Variants in RHBDL3 observed in about 807,000 individuals in gnomAD.
RHBDL3 encodes the protein rhomboid like 3, also known as rhomboid-related protein 3.
A neutral mutation model predicts 48.2 loss-of-function variants in RHBDL3; 28 were observed. The ratio of observed to expected loss-of-function variants is 0.58; its 90% CI spans 0.43 to 0.80. The LOEUF is 0.80. Among genes scored for constraint, RHBDL3 ranks in the 30% least tolerant of loss-of-function variants. The pLI is 0.00. For synonymous variants in RHBDL3, 208 were observed against 232.3 expected (o/e 0.90, Z 0.95); for missense variants, 464 against 542.7 (o/e 0.85, Z 1.44).
In RHBDL3 at chr17:32,320,435, T is replaced by G. The variant is rs1209911579; in HGVS notation, c.944-523T>G. 2.0e-5 allele frequency among the ~76,000 whole-genome samples: 3 copies of G among 151,806 alleles called. No individual in the cohort carries two copies. In the East Asian group the frequency reaches 5.9e-4, roughly 30 times the overall value. On this transcript the variant is annotated intron_variant, in intron 8 of 8. Coordinates refer to ENST00000269051, the MANE Select transcript of RHBDL3 (RefSeq NM_138328.3). ...TCCACCTCCTGGGTTCAAGCAATTCTGCCTCAGCCTCCTGAGTAGCTGGGA... is the reference window on the plus strand; with the variant it reads ...TCCACCTCCTGGGTTCAAGCAATTCGGCCTCAGCCTCCTGAGTAGCTGGGA...
intron 7 of RHBDL3, among the ~76,000 whole-genome samples, chr17:32,306,880 C>T (rs2040723610): frequency 6.6e-6 from 1 of 152,134 alleles, no homozygotes; most frequent in Admixed American, 6.5e-5. Context: ...GAGATTGCAC[C>T]ACTGCACACC....
chr17:32,288,051 A>G (rs1165047857), intron 3 of RHBDL3, among the ~76,000 whole-genome samples: 3 of 152,184 alleles, frequency 2.0e-5, no homozygotes, highest in African/African-American at 7.2e-5. Context: ...TGGGCATTCC[A>G]GGTCCTGTGA....
intron 7 of RHBDL3, among the ~76,000 whole-genome samples, chr17:32,315,268 T>C (rs1359772959): frequency 2.0e-5 from 3 of 152,230 alleles, no homozygotes; most frequent in South Asian, 4.1e-4. Flanking sequence ...GGTTGTGCCC[T>C]CCTTCCCTGG....
At chr17:32,319,467 A>G (rs574530883) in intron 8 of RHBDL3, among the ~76,000 whole-genome samples, 1 of 152,196 alleles carries the variant, frequency 6.6e-6, no homozygotes, top group African/African-American at 2.4e-5. Context: ...CATCATAAAA[A>G]CTAAAATGCT....
chr17:32,312,410 G>A (rs750964875), intron 7 of RHBDL3, among the ~76,000 whole-genome samples: 6 of 152,010 alleles, frequency 3.9e-5, no homozygotes, highest in Non-Finnish European at 8.8e-5. Flanking sequence ...ACTCCAGCCT[G>A]GGCAATAGAG....
intron 6 of RHBDL3, among the ~76,000 whole-genome samples, chr17:32,299,884 T>G (rs1167108674): frequency 1.3e-5 from 2 of 152,198 alleles, no homozygotes; most frequent in Non-Finnish European, 2.9e-5. Flanking sequence ...GTCATTGATC[T>G]CCATGATTGA....
intron 4 of RHBDL3, among the ~76,000 whole-genome samples, chr17:32,293,579 C>CAA (rs5819974): frequency 2.7e-3 from 320 of 120,434 alleles, no homozygotes; most frequent in African/African-American, 8.7e-3. Context: ...GACCCTGTCT[C>CAA]AAAAAAAAAA....
chr17:32,316,191 T>C (rs1267949479), intron 7 of RHBDL3, 41 bp from the exon 8 acceptor site: 1 of 1,420,898 alleles, frequency 7.0e-7, no homozygotes, highest in South Asian at 1.2e-5. Flanking sequence ...GGCAGAAGAG[T>C]GGTCTAATCT....
chr17:32,266,167 C>T lies in RHBDL3; in HGVS notation c.-23C>T. On this transcript the variant is annotated 5_prime_UTR_variant, in exon 1 of 9. Coordinates refer to ENST00000269051, the MANE Select transcript of RHBDL3 (RefSeq NM_138328.3). ...CCGGGACGAGCCCCGCAGCCGCCGCCGCCCCCGGACCCCGTCTCGGCCATG... is the reference window on the plus strand; with the variant it reads ...CCGGGACGAGCCCCGCAGCCGCCGCTGCCCCCGGACCCCGTCTCGGCCATG... 3 of 1,059,120 alleles carry T rather than the reference C, an allele frequency of 2.8e-6. No homozygotes were observed. The East Asian group carries it at 1.2e-4, about 41-fold the overall frequency. 65.6% of individuals were successfully genotyped at this position (1,059,120 alleles called of 1,614,324 possible).
intron 3 of RHBDL3, 131 bp downstream of exon 3, chr17:32,284,948 T>C: frequency 1.3e-6 from 1 of 785,088 alleles, no homozygotes; most frequent in South Asian, 1.7e-5. Context: ...GCTTCTGAGG[T>C]GAAAGGGTGC....
chr17:32,275,467 G>A (rs568825499), intron 2 of RHBDL3, among the ~76,000 whole-genome samples: 34 of 152,320 alleles, frequency 2.2e-4, no homozygotes, highest in Non-Finnish European at 4.3e-4. Context: ...CCAGGGGCGG[G>A]AAGGAATAGG....
At chr17:32,266,363 G>T in intron 1 of RHBDL3, 63 bp downstream of exon 1, 1 of 873,172 alleles carries the variant, frequency 1.1e-6, no homozygotes, top group Non-Finnish European at 1.6e-6. Flanking sequence ...AGCCGCCCCT[G>T]TCTCGCCCCA....
At chr17:32,302,203 T>C (rs917204726) in intron 6 of RHBDL3, among the ~76,000 whole-genome samples, 5 of 152,228 alleles carry the variant, frequency 3.3e-5, no homozygotes, top group African/African-American at 1.2e-4. Context: ...TTCAGAGCTC[T>C]GGAGGGGATT....
In RHBDL3 at chr17:32,320,971, T is replaced by C; in HGVS notation, c.957T>C (p.Phe319=). Residue 319 remains phenylalanine (F), a synonymous_variant, in exon 9 of 9, where the codon TTT becomes TTC. Coordinates refer to ENST00000269051, the MANE Select transcript of RHBDL3 (RefSeq NM_138328.3). ...CTCCCCTTGCAGTGAGCATGGAGTT[T>C]GGGCGGGCCGTGTGGCTCCGCTTCC... is the stretch of plus-strand genomic sequence containing the variant. ...AVALICMSME[F]GRAVWLRFHP... 6.2e-7 allele frequency: 1 copy of C among 1,612,194 alleles called. No homozygotes were observed. The highest frequency in any genetic ancestry group is 8.5e-7 in the Non-Finnish European group (1 of 1,179,440).
Position 32,321,485 on chromosome 17 carries a change from G to A in RHBDL3, c.*256G>A. 1 of 1,014,088 alleles carries A rather than the reference G, an allele frequency of 9.9e-7. No individual in the cohort carries two copies. 62.8% of individuals were successfully genotyped at this position (1,014,088 alleles called of 1,614,324 possible). ...GACATCGGGCCAGGGTGAAGGTCTG[G>A]GGTGGGGTGTGAGAGTGGCCCTCCC... On this transcript the variant is annotated 3_prime_UTR_variant, in exon 9 of 9. Coordinates refer to ENST00000269051, the MANE Select transcript of RHBDL3 (RefSeq NM_138328.3).
chr17:32,314,316 A>C (rs547473124), intron 7 of RHBDL3, among the ~76,000 whole-genome samples: 1 of 152,266 alleles, frequency 6.6e-6, no homozygotes, highest in African/African-American at 2.4e-5. Context: ...ATCCATAGAC[A>C]CTGGGGTGGC....
intron 4 of RHBDL3, among the ~76,000 whole-genome samples, chr17:32,293,045 A>G (rs1423738971): frequency 6.6e-6 from 1 of 152,094 alleles, no homozygotes; most frequent in Non-Finnish European, 1.5e-5. Flanking sequence ...CCTTGAAAAT[A>G]TTATACCAAG....
intron 8 of RHBDL3, among the ~76,000 whole-genome samples, chr17:32,318,334 A>G (rs1382391619): frequency 2.0e-5 from 3 of 150,456 alleles, no homozygotes; most frequent in African/African-American, 7.4e-5. Flanking sequence ...TTAAAAAAAA[A>G]AAAAAGAAAA....
At chr17:32,315,596 C>T (rs774772069) in intron 7 of RHBDL3, among the ~76,000 whole-genome samples, 8 of 152,044 alleles carry the variant, frequency 5.3e-5, no homozygotes, top group Non-Finnish European at 1.2e-4. Flanking sequence ...TTGGGAAACT[C>T]ACGAAGCCTG....
Sources: allele counts gnomAD v4.1 joint callset (sites outside exome capture counted in the v4.1 genomes callset), GRCh38; gene constraint gnomAD v4.1.1; transcripts MANE v1.5; gene names NCBI Gene and HGNC (gene_info 2026-07-23, HGNC 2026-07-21).